FER: variants seen among roughly 807,000 people sequenced by gnomAD.
FER encodes the protein FER tyrosine kinase, also known as tyrosine-protein kinase Fer.
In FER, 63 loss-of-function variants were observed where a neutral mutation model predicts 111.0. That is an observed-to-expected ratio of 0.57 (90% CI 0.46 to 0.70). FER has a LOEUF of 0.70. Ranked by LOEUF, FER falls within the 30% of genes least tolerant of loss-of-function variation. The pLI is 0.00. For synonymous variants in FER, 327 were observed against 313.9 expected (o/e 1.04, Z -0.44); for missense variants, 914 against 954.0 (o/e 0.96, Z 0.55).
intron 13 of FER, among the ~76,000 whole-genome samples, chr5:108,993,278 T>C (rs1008629433): frequency 1.8e-4 from 28 of 152,248 alleles, no homozygotes; most frequent in African/African-American, 6.5e-4. Flanking sequence ...AGACTCTGTC[T>C]GCAATCCCGG....
At chr5:109,026,966 A>G (rs755537232) in intron 13 of FER, among the ~76,000 whole-genome samples, 3 of 152,172 alleles carry the variant, frequency 2.0e-5, no homozygotes, top group Non-Finnish European at 4.4e-5. Context: ...GGCGTGAGCC[A>G]CCACACCCGG....
Position 109,131,671 on chromosome 5 carries a change from G to A in FER, c.2048+31152G>A, listed in dbSNP as rs545103864. On this transcript the variant is annotated intron_variant, in intron 17 of 19. Coordinates refer to ENST00000281092, the MANE Select transcript of FER (RefSeq NM_005246.4). Reference sequence around the variant, plus strand: ...GATATCTTTTCCCCACATAACTGATGTTATAAATAATGCTGATGAGTGCTT... The same window carrying A: ...GATATCTTTTCCCCACATAACTGATATTATAAATAATGCTGATGAGTGCTT... 2.0e-5 allele frequency among the ~76,000 whole-genome samples: 3 copies of A among 152,166 alleles called. No homozygotes were observed. The South Asian group carries it at 6.2e-4, about 32-fold the overall frequency.
rs892114851 is a variant in FER, at chr5:109,090,690, C to T, written c.1925-9706C>T. 3.3e-5 allele frequency among the ~76,000 whole-genome samples: 5 copies of T among 151,998 alleles called. No individual in the cohort carries two copies. The East Asian group carries it at 5.8e-4, about 18-fold the overall frequency. On this transcript the variant is annotated intron_variant, in intron 16 of 19. Coordinates refer to ENST00000281092, the MANE Select transcript of FER (RefSeq NM_005246.4). ...GTTCTGGAGTGAAAGAATACCATAA[C>T]TGAATAGTAAAATTTAGTAGTGGAA...
intron 14 of FER, among the ~76,000 whole-genome samples, chr5:109,039,624 A>G (rs1002719525): frequency 2.0e-5 from 3 of 152,112 alleles, no homozygotes; most frequent in African/African-American, 4.8e-5. Flanking sequence ...ATATAGCCAC[A>G]TGGACATCTG....
chr5:109,163,449 T>A (rs1390162264), intron 17 of FER, among the ~76,000 whole-genome samples: 1 of 152,158 alleles, frequency 6.6e-6, no homozygotes, highest in Admixed American at 6.5e-5. Context: ...TTTAGCTTTA[T>A]AAGAAACTAC....
intron 16 of FER, chr5:109,051,794 A>G: frequency 6.9e-6 from 11 of 1,596,522 alleles, no homozygotes. Context: ...ATGATATTCA[A>G]GGCCAGGGAC....
intron 3 of FER, among the ~76,000 whole-genome samples, chr5:108,814,554 A>G (rs2150085841): frequency 6.6e-6 from 1 of 152,322 alleles, no homozygotes; most frequent in South Asian, 2.1e-4. Context: ...ATATTTTGCA[A>G]GAATTGATGT....
At chr5:109,067,280 T>G (rs947598376) in intron 16 of FER, among the ~76,000 whole-genome samples, 6 of 151,978 alleles carry the variant, frequency 3.9e-5, no homozygotes, top group African/African-American at 1.5e-4. Context: ...CTGCTGCTGC[T>G]GCTGTTTTTA....
chr5:109,126,314 A>G (rs191041819), intron 17 of FER, among the ~76,000 whole-genome samples: 8 of 152,048 alleles, frequency 5.3e-5, no homozygotes, highest in African/African-American at 1.4e-4. Context: ...ATCTTTAAGC[A>G]CTCTAGCCTT....
At chr5:109,088,448 C>T (rs1179836079) in intron 16 of FER, among the ~76,000 whole-genome samples, 1 of 152,008 alleles carries the variant, frequency 6.6e-6, no homozygotes, top group Non-Finnish European at 1.5e-5. Context: ...GCATTTTCCT[C>T]CCTCTCAGGT....
chr5:108,963,504 G>A (rs1313345857), intron 13 of FER, among the ~76,000 whole-genome samples: 2 of 152,186 alleles, frequency 1.3e-5, no homozygotes, highest in African/African-American at 4.8e-5. Context: ...AGAGGTTGCA[G>A]TGAGCTGAGA....
In FER at chr5:109,146,273, T is replaced by TATATATATTATCTATCTA. The variant is rs1561954097; in HGVS notation, c.2049-34466_2049-34465insTATCTATCTAATATATAT. Among the ~76,000 whole-genome samples, 41 of 62,208 alleles carry TATATATATTATCTATCTA rather than the reference T, an allele frequency of 6.6e-4. 1 individual carries two copies. The highest frequency in any genetic ancestry group is 1.1e-3 in the South Asian group (3 of 2,856). 40.8% of individuals were successfully genotyped at this position (62,208 alleles called of 152,430 possible). A position where few individuals can be genotyped will look rare whatever the true frequency, so the allele number is the denominator to read the frequency against. On this transcript the variant is annotated intron_variant, in intron 17 of 19. Coordinates refer to ENST00000281092, the MANE Select transcript of FER (RefSeq NM_005246.4). Reference sequence around the variant, plus strand: ...TATCTAATATATATATATATATATATATATATATATATATATATCTTGGGT... The same window carrying TATATATATTATCTATCTA: ...TATCTAATATATATATATATATATATATATATATTATCTATCTAATATATATATATATATATCTTGGGT...
intron 5 of FER, among the ~76,000 whole-genome samples, chr5:108,853,623 C>T (rs189907515): frequency 9.2e-4 from 140 of 152,180 alleles, no homozygotes; most frequent in Non-Finnish European, 1.6e-3. Flanking sequence ...TTATCATTTC[C>T]GGCATATTTG....
At chr5:108,807,173 C>T (rs1036964933) in intron 3 of FER, among the ~76,000 whole-genome samples, 19 of 152,092 alleles carry the variant, frequency 1.2e-4, no homozygotes, top group South Asian at 4.1e-4. Flanking sequence ...TTTTGCTTGC[C>T]GCCATCCATG....
intron 5 of FER, chr5:108,842,715 A>G (rs1381863948): frequency 6.6e-6 from 1 of 152,158 alleles, no homozygotes; most frequent in Non-Finnish European, 1.5e-5. Flanking sequence ...TCCTGCAAGA[A>G]TGGCCATAAT....
At chr5:108,806,425 G>A (rs1320855016) in intron 3 of FER, among the ~76,000 whole-genome samples, 1 of 152,232 alleles carries the variant, frequency 6.6e-6, no homozygotes, top group Non-Finnish European at 1.5e-5. Context: ...GGAGCTGTGA[G>A]AAGAGGGCTA....
intron 3 of FER, among the ~76,000 whole-genome samples, chr5:108,814,827 C>G (rs1758119410): frequency 6.6e-6 from 1 of 152,128 alleles, no homozygotes; most frequent in Non-Finnish European, 1.5e-5. Flanking sequence ...TGTGTACATT[C>G]TGTCTTTAAT....
chr5:108,842,689 T>C (rs1330149102), intron 5 of FER: 2 of 152,094 alleles, frequency 1.3e-5, no homozygotes, highest in Non-Finnish European at 2.9e-5. Context: ...AAAACCACAA[T>C]GTGATACCTC....
chr5:108,980,639 C>G (rs1449876163), intron 13 of FER, among the ~76,000 whole-genome samples: 1 of 152,024 alleles, frequency 6.6e-6, no homozygotes, highest in East Asian at 1.9e-4. Flanking sequence ...TTTGCAAGAT[C>G]AAAGGAAGCA....
Sources: gnomAD v4.1 joint callset for allele counts (sites outside exome capture counted in the v4.1 genomes callset) on GRCh38, gnomAD v4.1.1 for gene constraint, MANE v1.5 for transcripts, NCBI Gene and HGNC (gene_info 2026-07-23, HGNC 2026-07-21) for gene names.